The following GRIA4 variants were observed in gnomAD, a reference collection of about 807,000 sequenced individuals.
GRIA4 encodes the protein glutamate receptor 4.
In GRIA4, 34 loss-of-function variants were observed where a neutral mutation model predicts 104.0. The observed-to-expected ratio is 0.33, with a 90% CI of 0.25 to 0.44. The LOEUF is 0.44. GRIA4 is among the 20% of genes least tolerant of loss of function. GRIA4 has a pLI of 1.00. For missense variants in GRIA4, 750 were observed against 1,096.5 expected (o/e 0.68, Z 4.46); for synonymous variants, 386 against 381.9 (o/e 1.01, Z -0.13).
chr11:105,979,621 C>G lies in GRIA4; in HGVS notation c.2591C>G (p.Thr864Ser). Residue 864 changes from threonine to serine, a missense_variant, in exon 17 of 17, where the codon ACT becomes AGT. By Grantham distance (58) the Thr-to-Ser change is moderately conservative. Around this residue, in one of 3 missense-constraint regions of GRIA4, gnomAD observed 68 missense variants for 69.3 expected, o/e 0.98. Transcript: ENST00000282499. Reference protein sequence around the residue: ...AIRNKARLSITGSVGENGRVL... With the variant: ...AIRNKARLSISGSVGENGRVL... Reference sequence around the variant, plus strand: ...AGAAACAAAGCCAGATTATCCATCACTGGGAGTGTGGGAGAGAATGGCCGC... The same window carrying G: ...AGAAACAAAGCCAGATTATCCATCAGTGGGAGTGTGGGAGAGAATGGCCGC... The G allele has an allele frequency of 3.7e-6, 6 of 1,614,064 alleles. No homozygotes were observed. The highest frequency in any genetic ancestry group is 5.1e-6 in the Non-Finnish European group (6 of 1,179,872).
intron 4 of GRIA4, among the ~76,000 whole-genome samples, chr11:105,789,797 A>G (rs980643488): frequency 2.0e-5 from 3 of 152,356 alleles, no homozygotes; most frequent in Admixed American, 1.3e-4. Flanking sequence ...ACATTCTCTA[A>G]GTGGATGTCT....
chr11:105,653,714 C>G (rs1476437133), intron 3 of GRIA4, among the ~76,000 whole-genome samples: 1 of 151,752 alleles, frequency 6.6e-6, no homozygotes, highest in Non-Finnish European at 1.5e-5. Context: ...AGTGCTGTGA[C>G]AGAAATGTTC....
At chr11:105,912,893 C>T in intron 10 of GRIA4, 1 of 980,184 alleles carries the variant, frequency 1.0e-6, no homozygotes. Flanking sequence ...CTGAAAACTC[C>T]CAACACAGAT....
intron 11 of GRIA4, among the ~76,000 whole-genome samples, chr11:105,921,306 GGTGTGTGTGTGTGTGT>G (rs5794436): frequency 2.6e-4 from 36 of 138,850 alleles, no homozygotes; most frequent in African/African-American, 5.4e-4. Flanking sequence ...ACCACACTTG[GGTGTGTGTGTGTGTGT>G]GTGTGTGTGT....
intron 3 of GRIA4, among the ~76,000 whole-genome samples, chr11:105,637,596 G>A (rs1951240815): frequency 6.6e-6 from 1 of 152,162 alleles, no homozygotes; most frequent in Non-Finnish European, 1.5e-5. Context: ...AATAAAACAT[G>A]TAAATAGATA....
intron 4 of GRIA4, among the ~76,000 whole-genome samples, chr11:105,785,338 G>T (rs145092828): frequency 1.8e-3 from 271 of 152,148 alleles, no homozygotes; most frequent in African/African-American, 6.2e-3. Context: ...ATTGCTATTA[G>T]ATTGATCAAT....
intron 11 of GRIA4, among the ~76,000 whole-genome samples, chr11:105,923,389 C>T (rs182345905): frequency 1.2e-4 from 19 of 152,204 alleles, no homozygotes; most frequent in East Asian, 1.2e-3. Flanking sequence ...AGGCTCAAAT[C>T]CCAGAGCTGC....
At chr11:105,964,256 CTAAT>C (rs1948807075) in intron 14 of GRIA4, among the ~76,000 whole-genome samples, 2 of 152,096 alleles carry the variant, frequency 1.3e-5, no homozygotes, top group Non-Finnish European at 2.9e-5. Flanking sequence ...GTAGGAGTAG[CTAAT>C]TATTTAATTA....
At chr11:105,971,141 C>T (rs143254921) in intron 14 of GRIA4, among the ~76,000 whole-genome samples, 1 of 151,996 alleles carries the variant, frequency 6.6e-6, no homozygotes, top group South Asian at 2.1e-4. Context: ...AGTCACTTCA[C>T]CTTGTACTTA....
At chr11:105,814,945 T>C (rs564240865) in intron 4 of GRIA4, among the ~76,000 whole-genome samples, 1 of 152,188 alleles carries the variant, frequency 6.6e-6, no homozygotes, top group South Asian at 2.1e-4. Context: ...TTCCCAGCCA[T>C]AGTGATTGGT....
chr11:105,848,597 C>T (rs375128542), intron 4 of GRIA4, among the ~76,000 whole-genome samples: 1 of 152,248 alleles, frequency 6.6e-6, no homozygotes. Flanking sequence ...ACATATACTG[C>T]TTTGAGCTCA....
At chr11:105,932,584 G>A (rs753815081) in intron 13 of GRIA4, among the ~76,000 whole-genome samples, 1 of 152,154 alleles carries the variant, frequency 6.6e-6, no homozygotes, top group African/African-American at 2.4e-5. Context: ...AGTAGTGAGA[G>A]TAATGTATTA....
At chr11:105,960,745 C>A (rs1271334132) in intron 14 of GRIA4, among the ~76,000 whole-genome samples, 2 of 152,214 alleles carry the variant, frequency 1.3e-5, no homozygotes, top group Non-Finnish European at 2.9e-5. Flanking sequence ...GGACGCTAGG[C>A]CCCAGTGGCG....
intron 4 of GRIA4, among the ~76,000 whole-genome samples, chr11:105,768,016 C>T (rs1941032111): frequency 1.3e-5 from 2 of 151,998 alleles, no homozygotes; most frequent in Non-Finnish European, 2.9e-5. Context: ...CCCAACAGTT[C>T]CTGAAAGGAT....
At chr11:105,650,291 C>A (rs1040529151) in intron 3 of GRIA4, among the ~76,000 whole-genome samples, 1 of 152,018 alleles carries the variant, frequency 6.6e-6, no homozygotes, top group Non-Finnish European at 1.5e-5. Flanking sequence ...GATTGTAAAT[C>A]TCAATGAGGG....
chr11:105,673,340 C>G (rs754010311), intron 3 of GRIA4, among the ~76,000 whole-genome samples: 1 of 152,042 alleles, frequency 6.6e-6, no homozygotes, highest in Non-Finnish European at 1.5e-5. Context: ...ACTTGGCTAG[C>G]TCACAAAACA....
intron 3 of GRIA4, among the ~76,000 whole-genome samples, chr11:105,643,929 G>A (rs1565428822): frequency 6.6e-6 from 1 of 152,154 alleles, no homozygotes; most frequent in Non-Finnish European, 1.5e-5. Flanking sequence ...ATGTTGGCCA[G>A]GCTGGTCTTG....
intron 4 of GRIA4, among the ~76,000 whole-genome samples, chr11:105,763,569 C>T (rs566192177): frequency 5.3e-5 from 8 of 152,180 alleles, no homozygotes; most frequent in African/African-American, 1.4e-4. Context: ...ATTTTACTAT[C>T]TAAAGACCGT....
intron 4 of GRIA4, among the ~76,000 whole-genome samples, chr11:105,801,847 A>G (rs1477210195): frequency 1.3e-5 from 2 of 152,156 alleles, no homozygotes; most frequent in African/African-American, 4.8e-5. Flanking sequence ...CAAAGATTTC[A>G]TGATATCTAA....
Sources: gnomAD v4.1 joint callset for allele counts (sites outside exome capture counted in the v4.1 genomes callset) on GRCh38, gnomAD v4.1.1 for gene constraint, gnomAD v4.1.1 regional missense constraint, MANE v1.5 for transcripts, NCBI Gene and HGNC (gene_info 2026-07-23, HGNC 2026-07-21) for gene names.